The following ZDHHC20 variants were observed in gnomAD, a reference collection of about 807,000 sequenced individuals.
The protein encoded by ZDHHC20 is zDHHC palmitoyltransferase 20, also known as palmitoyltransferase ZDHHC20.
In ZDHHC20, 43 loss-of-function variants were observed where a neutral mutation model predicts 57.8. That is an observed-to-expected ratio of 0.74 (90% CI 0.58 to 0.96). The LOEUF (loss-of-function observed/expected upper bound fraction) is 0.96. Ranked by LOEUF, ZDHHC20 falls within the 40% of genes least tolerant of loss-of-function variation. ZDHHC20 has a pLI of 0.00. For missense variants in ZDHHC20, 391 were observed against 441.1 expected, an observed-to-expected ratio of 0.89 and a Z score of 1.02; for synonymous variants, 157 against 153.0, an observed-to-expected ratio of 1.03 and a Z score of -0.19.
chr13:21,387,862 T>C (rs1387065135), intron 8 of ZDHHC20, among the ~76,000 whole-genome samples: 1 of 152,096 alleles, frequency 6.6e-6, no homozygotes, highest in Non-Finnish European at 1.5e-5. Context: ...GTCAAAATAA[T>C]TATCAAATAT....
rs550287113 is a variant in ZDHHC20 at position 21,429,886 on chromosome 13, TGTTCA to T, written c.119-4213_119-4209del. On this transcript the variant is annotated intron_variant, in intron 1 of 12. Transcript: ENST00000400590. Reference sequence around the variant, plus strand: ...TTTTTCTCTGCCCTCTCCATTCTGCTGTTCAGTTGACTTTTTAAAATTTTGGCTAT... The same window carrying T: ...TTTTTCTCTGCCCTCTCCATTCTGCTGTTGACTTTTTAAAATTTTGGCTAT... 3.2e-3 allele frequency among the ~76,000 whole-genome samples: 492 copies of T among 152,334 alleles called. 4 individuals are homozygous for T. The highest frequency in any genetic ancestry group is 0.01 in the Middle Eastern group (3 of 294).
chr13:21,382,431 A>G (rs372378867), intron 10 of ZDHHC20, among the ~76,000 whole-genome samples: 239 of 152,346 alleles, frequency 1.6e-3, no homozygotes, highest in South Asian at 7.2e-3. Flanking sequence ...ATGAAAGTTT[A>G]CTTGCCATGC....
intron 1 of ZDHHC20, among the ~76,000 whole-genome samples, chr13:21,444,210 C>T (rs1434631979): frequency 6.6e-6 from 1 of 152,140 alleles, no homozygotes; most frequent in African/African-American, 2.4e-5. Flanking sequence ...AGGAATACCT[C>T]ACCTCCCTGG....
chr13:21,384,919 G>C (rs1347647261), intron 9 of ZDHHC20, among the ~76,000 whole-genome samples: 1 of 151,746 alleles, frequency 6.6e-6, no homozygotes, highest in African/African-American at 2.4e-5. Flanking sequence ...CCAATCAAAA[G>C]TTACTGGACA....
chr13:21,433,182 A>G (rs1274643462), intron 1 of ZDHHC20, among the ~76,000 whole-genome samples: 2 of 152,138 alleles, frequency 1.3e-5, no homozygotes, highest in Non-Finnish European at 2.9e-5. Flanking sequence ...GCTTGTCTCA[A>G]ACTCCTGGGC....
At chr13:21,379,057 C>T (rs1368761755) in intron 11 of ZDHHC20, among the ~76,000 whole-genome samples, 8 of 151,522 alleles carry the variant, frequency 5.3e-5, no homozygotes, top group Admixed American at 5.2e-4. Context: ...AATAGTATTG[C>T]CTAGGCTGGC....
intron 7 of ZDHHC20, among the ~76,000 whole-genome samples, chr13:21,397,557 G>A (rs1217466648): frequency 6.6e-6 from 1 of 152,032 alleles, no homozygotes; most frequent in Non-Finnish European, 1.5e-5. Context: ...AGCTACTTGG[G>A]GGCTTGAGGC....
intron 11 of ZDHHC20, among the ~76,000 whole-genome samples, chr13:21,379,211 T>C (rs1220018346): frequency 6.6e-6 from 1 of 151,976 alleles, no homozygotes; most frequent in Non-Finnish European, 1.5e-5. Flanking sequence ...ATTCGAACAG[T>C]AGGTCTTTAA....
At chr13:21,388,316 G>C (rs1874974426) in intron 8 of ZDHHC20, among the ~76,000 whole-genome samples, 1 of 152,100 alleles carries the variant, frequency 6.6e-6, no homozygotes, top group South Asian at 2.1e-4. Flanking sequence ...TGTTTTATAA[G>C]CTAAGGATAA....
intron 3 of ZDHHC20, among the ~76,000 whole-genome samples, chr13:21,416,328 A>G (rs6490653): frequency 0.89 from 135,529 of 152,148 alleles, 60,423 homozygotes; most frequent in East Asian, 1. Flanking sequence ...CAAACAGATC[A>G]TAATTTTGAA....
chr13:21,443,993 T>G (rs1330869458), intron 1 of ZDHHC20, among the ~76,000 whole-genome samples: 1 of 152,092 alleles, frequency 6.6e-6, no homozygotes, highest in Non-Finnish European at 1.5e-5. Flanking sequence ...CCATCTCTAC[T>G]AAAAATACAA....
At chr13:21,394,946 G>GT (rs998334646) in intron 7 of ZDHHC20, among the ~76,000 whole-genome samples, 10 of 152,056 alleles carry the variant, frequency 6.6e-5, no homozygotes, top group African/African-American at 2.4e-4. Flanking sequence ...CTAAAATGTA[G>GT]TAGGTATCTC....
At chr13:21,413,411 A>G (rs1233933668) in intron 4 of ZDHHC20, among the ~76,000 whole-genome samples, 1 of 152,176 alleles carries the variant, frequency 6.6e-6, no homozygotes, top group Non-Finnish European at 1.5e-5. Flanking sequence ...GGGGAAAAAA[A>G]CAAGTACAGA....
chr13:21,374,459 C>CA lies in ZDHHC20; in HGVS notation c.*2236_*2237insT, dbSNP rs1871716039. 2.2e-6 allele frequency: 1 copy of CA among 454,730 alleles called. No individual in the cohort carries two copies. The highest frequency in any genetic ancestry group is 2.0e-5 in the African/African-American group (1 of 49,966). 28.2% of individuals were successfully genotyped at this position (454,730 alleles called of 1,614,324 possible). On this transcript the variant is annotated 3_prime_UTR_variant, in exon 13 of 13. Transcript: ENST00000400590. ...CATTTTGACCAGGCTAATCTCGAAC[C>CA]CCTGACCTCAGGTGATCCGCCAGCC...
chr13:21,417,690 C>T (rs976702165), intron 3 of ZDHHC20, among the ~76,000 whole-genome samples: 3 of 152,104 alleles, frequency 2.0e-5, no homozygotes, highest in Admixed American at 6.5e-5. Flanking sequence ...CCACCTGCCT[C>T]GGCCTCCCAA....
intron 4 of ZDHHC20, among the ~76,000 whole-genome samples, chr13:21,410,771 A>C (rs1000091556): frequency 6.6e-6 from 1 of 152,210 alleles, no homozygotes; most frequent in African/African-American, 2.4e-5. Flanking sequence ...AAGAATTTCA[A>C]GCCAGTGGAT....
chr13:21,416,134 G>A (rs1397588384), intron 3 of ZDHHC20, among the ~76,000 whole-genome samples: 1 of 151,272 alleles, frequency 6.6e-6, no homozygotes, highest in Admixed American at 6.6e-5. Flanking sequence ...GAACCCGGGA[G>A]GTGGAGGTTG....
At chr13:21,421,024 G>A (rs779948468) in intron 3 of ZDHHC20, 37 bp downstream of exon 3, 6 of 1,548,192 alleles carry the variant, frequency 3.9e-6, no homozygotes, top group Non-Finnish European at 5.3e-6. Context: ...TCCATAATCA[G>A]TTAAAACATT....
intron 1 of ZDHHC20, among the ~76,000 whole-genome samples, chr13:21,428,017 A>C (rs1265793263): frequency 1.3e-5 from 2 of 151,996 alleles, no homozygotes; most frequent in Non-Finnish European, 2.9e-5. Flanking sequence ...AGTTCCTCCT[A>C]GGTTTTTTTC....
Sources: gnomAD v4.1 joint callset for allele counts (sites outside exome capture counted in the v4.1 genomes callset) on GRCh38, gnomAD v4.1.1 for gene constraint, MANE v1.5 for transcripts, NCBI Gene and HGNC (gene_info 2026-07-23, HGNC 2026-07-21) for gene names.